UVSSA: variants seen among roughly 807,000 people sequenced by gnomAD.
UVSSA encodes the protein UV stimulated scaffold protein A.
UVSSA carries 72 observed loss-of-function variants against 73.9 expected under a neutral mutation model. The ratio of observed to expected loss-of-function variants is 0.97; its 90% CI spans 0.81 to 1.19. The LOEUF is 1.19. Among genes scored for constraint, UVSSA ranks in the 50% most tolerant of loss-of-function variants. The pLI is 0.00. For missense variants in UVSSA, 1,150 were observed against 965.0 expected, an observed-to-expected ratio of 1.19 and a Z score of -2.54; for synonymous variants, 454 against 391.3, an observed-to-expected ratio of 1.16 and a Z score of -1.89.
intron 8 of UVSSA, among the ~76,000 whole-genome samples, chr4:1,369,825 C>G (rs1717801370): frequency 6.6e-6 from 1 of 152,250 alleles, no homozygotes; most frequent in Non-Finnish European, 1.5e-5. Context: ...TTTTATGATT[C>G]TTTCTCAAAA....
intron 3 of UVSSA, among the ~76,000 whole-genome samples, chr4:1,350,519 C>T (rs1261509750): frequency 6.6e-6 from 1 of 152,250 alleles, no homozygotes; most frequent in Non-Finnish European, 1.5e-5. Flanking sequence ...AAGCACACTG[C>T]TCTCCTACCT....
At chr4:1,383,709 G>A (rs1436991064) in intron 12 of UVSSA, 57 bp from the exon 13 acceptor site, 13 of 1,603,864 alleles carry the variant, frequency 8.1e-6, no homozygotes, top group Non-Finnish European at 1.1e-5. Flanking sequence ...GGGGCCTCGG[G>A]TAAGAGGCTC....
intron 8 of UVSSA, among the ~76,000 whole-genome samples, chr4:1,367,179 T>A (rs146280900): frequency 1.1e-3 from 165 of 152,314 alleles, no homozygotes; most frequent in Non-Finnish European, 1.8e-3. Context: ...TGCCACAGCC[T>A]GTGCCGTGGA....
chr4:1,380,876 G>A lies in UVSSA; in HGVS notation c.1753-4G>A, dbSNP rs1719405935. On this transcript the variant is annotated splice_polypyrimidine_tract_variant and splice_region_variant and intron_variant, in intron 11 of 13. Coordinates refer to ENST00000389851, the MANE Select transcript of UVSSA (RefSeq NM_020894.4). ...CCATCAGCCACCGTGTCCTCGCTGT[G>A]CAGTGCCCTTTCCATGGGAAGATTG... The A allele has an allele frequency of 6.2e-7, 1 of 1,612,580 alleles. No individual in the cohort carries two copies. Among genetic ancestry groups the A allele is most frequent in the Non-Finnish European group, 8.5e-7 (1 of 1,179,660 alleles).
chr4:1,375,383 GAA>G lies in UVSSA; in HGVS notation c.1310_1311del (p.Lys437ArgfsTer88). ...PEYGLEAAPE[K>X]DTVVRCLRTR... Reference sequence around the variant, plus strand: ...TTTCAGGGCTGGAGGCAGCACCAGAGAAAGACACAGTTGTGCGGTGCTTGCGG... The same window carrying G: ...TTTCAGGGCTGGAGGCAGCACCAGAGAGACACAGTTGTGCGGTGCTTGCGG... On this transcript the variant is annotated frameshift_variant, in exon 9 of 14. Transcript: ENST00000389851. LOFTEE classifies it high-confidence loss of function. 6.2e-7 allele frequency: 1 copy of G among 1,613,642 alleles called. No individual in the cohort carries two copies. Among genetic ancestry groups the G allele is most frequent in the African/African-American group, 1.3e-5 (1 of 75,072 alleles).
chr4:1,375,211 C>A, intron 8 of UVSSA, 153 bp from the exon 9 acceptor site: 2 of 1,280,272 alleles, frequency 1.6e-6, no homozygotes, highest in African/African-American at 1.5e-5. Flanking sequence ...GCCTCACCCT[C>A]GCCCGTGAGG....
At chr4:1,385,395 C>T (rs1719996890) in intron 13 of UVSSA, 3 of 206,520 alleles carry the variant, frequency 1.5e-5, no homozygotes, top group East Asian at 1.3e-4. Context: ...TCCTGCTCCC[C>T]GGAATGCCTG....
intron 8 of UVSSA, among the ~76,000 whole-genome samples, chr4:1,367,331 G>T (rs780045973): frequency 3.9e-5 from 6 of 152,230 alleles, no homozygotes; most frequent in Non-Finnish European, 7.3e-5. Flanking sequence ...TTGCATGGAG[G>T]GGAGGCAAAT....
Position 1,356,184 on chromosome 4 carries a change from C to T in UVSSA, c.1176+939C>T, listed in dbSNP as rs75660225. On this transcript the variant is annotated intron_variant, in intron 7 of 13. Coordinates refer to ENST00000389851, the MANE Select transcript of UVSSA (RefSeq NM_020894.4). ...AGGAGATGGTGGCCTTTTGGCTCTC[C>T]CCACTTTAAGGAAAGCTTTGGGGTG... is the stretch of plus-strand genomic sequence containing the variant. Among the ~76,000 whole-genome samples the T allele has an allele frequency of 3.8e-3, 586 of 152,240 alleles. 3 individuals carry two copies. The highest frequency in any genetic ancestry group is 7.3e-3 in the Admixed American group (111 of 15,296).
chr4:1,381,295 G>A (rs1035972680), intron 12 of UVSSA, among the ~76,000 whole-genome samples: 32 of 152,252 alleles, frequency 2.1e-4, no homozygotes, highest in African/African-American at 4.8e-4. Context: ...TGCTTCCCTC[G>A]TGTTTTCAGG....
At chr4:1,346,436 GTCCGCA>G (rs1713689366), upstream of UVSSA, among the ~76,000 whole-genome samples, 1 of 152,216 alleles carries the variant, frequency 6.6e-6, no homozygotes, top group Admixed American at 6.5e-5. Flanking sequence ...AGGTCCGTCC[GTCCGCA>G]GCCGACCTCG....
At chr4:1,372,841 G>GCACTCACCTCCCGCGTCTCTACA (rs1560469316) in intron 8 of UVSSA, among the ~76,000 whole-genome samples, 2 of 35,380 alleles carry the variant, frequency 5.7e-5, no homozygotes, top group East Asian at 2.4e-3. Context: ...GCGTCTCAGG[G>GCACTCACCTCCCGCGTCTCTACA]CACTCACCTC....
At chr4:1,381,668 C>T (rs1460299371) in intron 12 of UVSSA, among the ~76,000 whole-genome samples, 1 of 148,166 alleles carries the variant, frequency 6.7e-6, no homozygotes, top group Non-Finnish European at 1.5e-5. Context: ...GCTCTCTCTT[C>T]TTTTTACTTT....
intron 5 of UVSSA, chr4:1,354,403 A>C: frequency 9.2e-6 from 3 of 324,732 alleles, no homozygotes; most frequent in Non-Finnish European, 1.2e-5. Flanking sequence ...GTGGAGGGGA[A>C]GGTTCTGTGC....
intron 8 of UVSSA, among the ~76,000 whole-genome samples, chr4:1,371,977 C>T (rs558157108): frequency 3.9e-5 from 6 of 152,332 alleles, no homozygotes; most frequent in East Asian, 1.9e-4. Context: ...CCTCTGCACC[C>T]GTAGCCCTCA....
At chr4:1,379,908 G>GTTT in intron 10 of UVSSA, 139 bp from the exon 11 acceptor site, 1 of 526,368 alleles carries the variant, frequency 1.9e-6, no homozygotes, top group Non-Finnish European at 2.8e-6. Flanking sequence ...GAGTGACCGT[G>GTTT]TTCTCCCTGG....
intron 8 of UVSSA, among the ~76,000 whole-genome samples, chr4:1,372,643 A>G (rs900284247): frequency 6.7e-6 from 1 of 148,910 alleles, no homozygotes; most frequent in Admixed American, 6.7e-5. Context: ...GCGAGAGTCA[A>G]CTTTACAAAG....
At chr4:1,357,189 G>C (rs894443436) in intron 7 of UVSSA, among the ~76,000 whole-genome samples, 1 of 148,308 alleles carries the variant, frequency 6.7e-6, no homozygotes, top group Non-Finnish European at 1.5e-5. Flanking sequence ...GGGGCTGATG[G>C]GTGGCATGGT....
chr4:1,375,123 G>T, intron 8 of UVSSA: 1 of 589,652 alleles, frequency 1.7e-6, no homozygotes, highest in Non-Finnish European at 3.0e-6. Flanking sequence ...TGTGAACAGC[G>T]TGGCCACAAG....
Sources: allele counts gnomAD v4.1 joint callset (sites outside exome capture counted in the v4.1 genomes callset), GRCh38; gene constraint gnomAD v4.1.1; transcripts MANE v1.5; gene names NCBI Gene and HGNC (gene_info 2026-07-23, HGNC 2026-07-21).